Variants in PRPH2 observed in about 807,000 individuals in gnomAD.
The protein encoded by PRPH2 is peripherin 2.
Under a neutral mutation model 31.3 loss-of-function variants are expected in PRPH2, and 17 were observed. The ratio of observed to expected loss-of-function variants is 0.54; its 90% confidence interval spans 0.37 to 0.81. The LOEUF (loss-of-function observed/expected upper bound fraction) is 0.81. Ranked by LOEUF, PRPH2 falls within the 40% of genes least tolerant of loss-of-function variation. The probability of loss-of-function intolerance (pLI) is 0.00; values close to 1 mark genes in which losing one functional copy is unlikely to be tolerated. For synonymous variants in PRPH2, 165 were observed against 184.4 expected (o/e 0.89, Z 0.85); for missense variants, 430 against 439.7 (o/e 0.98, Z 0.20).
At chr6:42,705,599 A>ATAT (rs1317305870) in intron 1 of PRPH2, among the ~76,000 whole-genome samples, 5 of 21,540 alleles carry the variant, frequency 2.3e-4, no homozygotes, top group Non-Finnish European at 4.2e-4. Context: ...AAAAAAAAAA[A>ATAT]ATATATATAT....
chr6:42,711,497 C>A (rs1485926485), intron 1 of PRPH2, among the ~76,000 whole-genome samples: 1 of 152,068 alleles, frequency 6.6e-6, no homozygotes, highest in Non-Finnish European at 1.5e-5. Flanking sequence ...GGAGATGCAG[C>A]CCTGTCTTCA....
chr6:42,704,379 TGAG>T lies in PRPH2; in HGVS notation c.811_813del (p.Leu271del), dbSNP rs1582764519. On this transcript the variant is annotated inframe_deletion, in exon 2 of 3. Coordinates refer to ENST00000230381, the MANE Select transcript of PRPH2 (RefSeq NM_000322.5). ...CCAGGGCCTACCTCGAAGAGCCAAA[TGAG>T]GAGCGTGACGACACCCATGGAGTTC... The T allele has an allele frequency of 2.5e-6, 4 of 1,608,954 alleles. No homozygotes were observed. The highest frequency in any genetic ancestry group is 2.2e-5 in the East Asian group (1 of 44,594).
At chr6:42,710,052 G>A (rs1171532710) in intron 1 of PRPH2, among the ~76,000 whole-genome samples, 3 of 152,090 alleles carry the variant, frequency 2.0e-5, no homozygotes, top group Admixed American at 6.5e-5. Flanking sequence ...GACATTCCCC[G>A]TCTCCCCACC....
chr6:42,720,568 C>T (rs1287168302), intron 1 of PRPH2, among the ~76,000 whole-genome samples: 6 of 152,168 alleles, frequency 3.9e-5, no homozygotes, highest in Non-Finnish European at 7.3e-5. Context: ...TTCACTTGGA[C>T]GTCCCTTCCA....
chr6:42,696,846 T>C lies in PRPH2; in HGVS notation c.*1449A>G, dbSNP rs1210284215. 1 of 151,858 alleles carries C rather than the reference T, an allele frequency of 6.6e-6. No homozygotes were observed. The highest frequency in any genetic ancestry group is 2.4e-5 in the African/African-American group (1 of 41,318). 9.4% of individuals were successfully genotyped at this position (151,858 alleles called of 1,614,324 possible). A position where few individuals can be genotyped will look rare whatever the true frequency, so the allele number is the denominator to read the frequency against. ...TGACAGGGTGTCCAAACATCTTGGATCTGGTCTTCTGCTTGGGGGAATTAA... is the reference window on the plus strand; with the variant it reads ...TGACAGGGTGTCCAAACATCTTGGACCTGGTCTTCTGCTTGGGGGAATTAA... On this transcript the variant is annotated 3_prime_UTR_variant, in exon 3 of 3. Transcript: ENST00000230381.
chr6:42,721,692 GC>G, intron 1 of PRPH2, 61 bp downstream of exon 1: 1 of 1,588,140 alleles, frequency 6.3e-7, no homozygotes, highest in South Asian at 1.1e-5. Context: ...CTGGTCAGAG[GC>G]CTGAGCCTCA....
intron 1 of PRPH2, among the ~76,000 whole-genome samples, chr6:42,713,589 C>T (rs1761717679): frequency 6.6e-6 from 1 of 152,136 alleles, no homozygotes; most frequent in South Asian, 2.1e-4. Flanking sequence ...CTGCCCACCC[C>T]TTTCCCTGTC....
Position 42,698,584 on chromosome 6 carries a change from CT to C in PRPH2, c.829-78del, listed in dbSNP as rs1366051719. ...TGGACCATTAGGAAACCACAGGAGC[CT>C]CAAATTGAGGGTCCCAGAGAGGACT... On this transcript the variant is annotated intron_variant, in intron 2 of 2. Transcript: ENST00000230381. 317 of 1,587,088 alleles carry C rather than the reference CT, an allele frequency of 2.0e-4. 1 individual carries two copies. The highest frequency in any genetic ancestry group is 2.2e-4 in the Non-Finnish European group (262 of 1,167,894).
At chr6:42,702,894 T>A (rs1800073866) in intron 2 of PRPH2, among the ~76,000 whole-genome samples, 1 of 150,244 alleles carries the variant, frequency 6.7e-6, no homozygotes, top group Non-Finnish European at 1.5e-5. Context: ...AAATATCTCT[T>A]GGCCAGATGC....
At position 42,698,214 on chromosome 6, in the gene PRPH2, C is replaced by T. The variant is rs979720129; in HGVS notation, c.*81G>A. On this transcript the variant is annotated 3_prime_UTR_variant, in exon 3 of 3. Coordinates refer to ENST00000230381, the MANE Select transcript of PRPH2 (RefSeq NM_000322.5). ...GCCCTCCTTGGGAGATTCAGACTTTCGGAGTTGGATGAGGGGGAGATCCAC... is the reference window on the plus strand; with the variant it reads ...GCCCTCCTTGGGAGATTCAGACTTTTGGAGTTGGATGAGGGGGAGATCCAC... 5.7e-6 allele frequency: 9 copies of T among 1,579,726 alleles called. No homozygotes were observed. Among genetic ancestry groups the T allele is most frequent in the African/African-American group, 1.4e-5 (1 of 74,044 alleles).
intron 1 of PRPH2, among the ~76,000 whole-genome samples, chr6:42,715,239 A>G (rs1273611028): frequency 6.6e-6 from 1 of 151,868 alleles, no homozygotes. Context: ...AAAAACTAAA[A>G]AAGATTAAGA....
intron 2 of PRPH2, among the ~76,000 whole-genome samples, chr6:42,702,468 A>G (rs1392507972): frequency 1.3e-5 from 2 of 151,322 alleles, no homozygotes; most frequent in Non-Finnish European, 2.9e-5. Context: ...TTCTGCTCTC[A>G]AGGTAGCTCA....
chr6:42,702,100 C>T (rs1280198317), intron 2 of PRPH2, among the ~76,000 whole-genome samples: 2 of 151,948 alleles, frequency 1.3e-5, no homozygotes, highest in South Asian at 2.1e-4. Context: ...ATCAGCCAGG[C>T]GTGGTGGTGG....
At position 42,698,015 on chromosome 6, in the gene PRPH2, C is replaced by A. The variant is rs1799976393; in HGVS notation, c.*280G>T. Reference sequence around the variant, plus strand: ...GTCCTGGGCTAGTCGTCTGAGACAGCCCCCGAGTCACCAGGAGGGCATATC... The same window carrying A: ...GTCCTGGGCTAGTCGTCTGAGACAGACCCCGAGTCACCAGGAGGGCATATC... On this transcript the variant is annotated 3_prime_UTR_variant, in exon 3 of 3. Coordinates refer to ENST00000230381, the MANE Select transcript of PRPH2 (RefSeq NM_000322.5). The A allele has an allele frequency of 1.7e-5, 8 of 468,970 alleles. No individual in the cohort carries two copies. Among genetic ancestry groups the A allele is most frequent in the Middle Eastern group, 6.0e-4 (1 of 1,654 alleles). The allele number at this position is 468,970 out of a possible 1,614,324, so 29.1% of individuals were successfully genotyped here.
chr6:42,718,877 C>G (rs1333334222), intron 1 of PRPH2, among the ~76,000 whole-genome samples: 2 of 152,228 alleles, frequency 1.3e-5, no homozygotes, highest in East Asian at 3.9e-4. Flanking sequence ...GTTGCCCAGG[C>G]TGGTCTTGAA....
intron 2 of PRPH2, 26 bp from the exon 3 acceptor site, chr6:42,698,533 G>C (rs1799990614): frequency 3.1e-6 from 5 of 1,613,650 alleles, no homozygotes; most frequent in African/African-American, 1.3e-5. Flanking sequence ...GAGATTTAGA[G>C]GCAATCTGGG....
Position 42,698,440 on chromosome 6 carries a change from G to T in PRPH2, c.896C>A (p.Ser299Tyr). 2 of 1,614,146 alleles carry T rather than the reference G, an allele frequency of 1.2e-6. No homozygotes were observed. The highest frequency in any genetic ancestry group is 1.7e-6 in the Non-Finnish European group (2 of 1,180,000). ...SLDGVSNPEE[S>Y]ESESQGWLLE... is the part of the protein sequence containing the mutation. ...CAGCCAGCCCTGGCTCTCGCTCTCA[G>T]ATTCCTCGGGGTTGGACACACCATC... The change falls in exon 3 of 3, where the codon TCT becomes TAT. Residue 299 changes from serine to tyrosine, a missense_variant. Coordinates refer to ENST00000230381, the MANE Select transcript of PRPH2 (RefSeq NM_000322.5).
chr6:42,711,095 A>C (rs899850107), intron 1 of PRPH2, among the ~76,000 whole-genome samples: 1 of 152,176 alleles, frequency 6.6e-6, no homozygotes, highest in African/African-American at 2.4e-5. Flanking sequence ...TGTGTTGGAA[A>C]CGTGAGGCCC....
In PRPH2 at chr6:42,721,747, C is replaced by T. The variant is rs1271192942; in HGVS notation, c.581+7G>A. 1.2e-6 allele frequency: 2 copies of T among 1,614,104 alleles called. No homozygotes were observed. Among genetic ancestry groups the T allele is most frequent in the Non-Finnish European group, 8.5e-7 (1 of 1,180,020 alleles). ...TAGCTCTGACCCCAGGACTGGAAGC[C>T]ACTCACTCTTTGACTTCTTTGGAGG... is the stretch of plus-strand genomic sequence containing the variant. On this transcript the variant is annotated splice_region_variant and intron_variant, in intron 1 of 2. Coordinates refer to ENST00000230381, the MANE Select transcript of PRPH2 (RefSeq NM_000322.5).
Sources: allele counts gnomAD v4.1 joint callset (sites outside exome capture counted in the v4.1 genomes callset), GRCh38; gene constraint gnomAD v4.1.1; transcripts MANE v1.5; gene names NCBI Gene and HGNC (gene_info 2026-07-23, HGNC 2026-07-21).